The following FBXW7 variants were observed in gnomAD, a reference collection of about 807,000 sequenced individuals.
FBXW7 encodes F-box/WD repeat-containing protein 7.
In FBXW7, 11 loss-of-function variants were observed where a neutral mutation model predicts 86.3. The observed-to-expected ratio is 0.13, with a 90% CI of 0.08 to 0.21. The LOEUF is 0.21. Among genes scored for constraint, FBXW7 ranks in the 10% least tolerant of loss-of-function variants. The pLI is 1.00. For synonymous variants in FBXW7, 313 were observed against 297.9 expected, an observed-to-expected ratio of 1.05 and a Z score of -0.52; for missense variants, 488 against 847.4, an observed-to-expected ratio of 0.58 and a Z score of 5.27.
In FBXW7 at chr4:152,411,653, C is replaced by G. The variant is rs2126881109; in HGVS notation, c.151G>C (p.Glu51Gln). 6.2e-7 allele frequency: 1 copy of G among 1,613,960 alleles called. No homozygotes were observed. The highest frequency in any genetic ancestry group is 2.2e-5 in the East Asian group (1 of 44,868). The change falls in exon 4 of 14, where the codon GAG (glutamate) becomes CAG (glutamine). Residue 51 changes from glutamate (E) to glutamine (Q), a missense_variant. Physicochemically the swap from Glu to Gln is conservative, Grantham distance 29. This residue lies in a region of FBXW7 where 230 missense variants were observed against 240.0 expected (regional missense o/e 0.96). Coordinates refer to ENST00000281708, the MANE Select transcript of FBXW7 (RefSeq NM_001349798.2). ...QQQQLRQQEE[E>Q]HTARNGEVVG... ...ACTTCACCATTCCTTGCAGTGTGCT[C>G]CTCCTCTTGTTGTCTGAGTTGCTGT...
chr4:152,325,399 C>T (rs1230359730), intron 12 of FBXW7: 1 of 152,044 alleles, frequency 6.6e-6, no homozygotes, highest in Non-Finnish European at 1.5e-5. Context: ...GGAAATAAAA[C>T]AAGATTCATA....
intron 4 of FBXW7, among the ~76,000 whole-genome samples, chr4:152,395,871 C>T (rs1736380219): frequency 6.6e-6 from 1 of 151,992 alleles, no homozygotes; most frequent in African/African-American, 2.4e-5. Flanking sequence ...GTCTATGGGT[C>T]AAACCAACCC....
rs752976240 is a variant in FBXW7, at chr4:152,328,384, C to T, written c.1242G>A (p.Leu414=). ...CACCTGTATGTCCCACTAATGTTCT[C>T]AGACACTGGAAAAACACTTAAGATG... ...KVWSAVTGKC[L]RTLVGHTGGV... The change falls in exon 11 of 14, where the codon CTG becomes CTA. Residue 414 remains leucine (L), a synonymous_variant. Transcript: ENST00000281708. 6.6e-7 allele frequency: 1 copy of T among 1,510,514 alleles called. No individual in the cohort carries two copies. Among genetic ancestry groups the T allele is most frequent in the South Asian group, 1.4e-5 (1 of 73,498 alleles). The allele number at this position is 1,510,514 out of a possible 1,614,324, so 93.6% of individuals were successfully genotyped here.
chr4:152,453,294 G>A (rs1742082882), intron 2 of FBXW7, among the ~76,000 whole-genome samples: 1 of 152,162 alleles, frequency 6.6e-6, no homozygotes, highest in East Asian at 1.9e-4. Flanking sequence ...AATTTCTTAT[G>A]TAGTAGCCCA....
chr4:152,337,812 A>G lies in FBXW7; in HGVS notation c.851T>C (p.Leu284Pro). ...PQFQRDFISL[L>P]PKELALYVLS... ...ATTGATAATCTTTACCTCTTTAGGG[A>G]GCAATGAAATGAAGTCTCGTTGAAA... Residue 284 changes from leucine (L) to proline (P), a missense_variant, in exon 7 of 14, where the codon CTC becomes CCC. Coordinates refer to ENST00000281708, the MANE Select transcript of FBXW7 (RefSeq NM_001349798.2). The G allele has an allele frequency of 6.2e-7, 1 of 1,610,920 alleles. No individual in the cohort carries two copies. The highest frequency in any genetic ancestry group is 8.5e-7 in the Non-Finnish European group (1 of 1,178,618).
intron 4 of FBXW7, among the ~76,000 whole-genome samples, chr4:152,361,860 G>T (rs144673738): frequency 1.3e-5 from 2 of 151,618 alleles, no homozygotes; most frequent in African/African-American, 4.8e-5. Flanking sequence ...CAGCTACTTG[G>T]GAGGCTAAGG....
At chr4:152,392,241 G>C (rs974637462) in intron 4 of FBXW7, among the ~76,000 whole-genome samples, 1 of 152,062 alleles carries the variant, frequency 6.6e-6, no homozygotes, top group Admixed American at 6.6e-5. Flanking sequence ...CTTAATAACA[G>C]GCCAGACCTT....
At chr4:152,385,807 G>A (rs1276204556) in intron 4 of FBXW7, among the ~76,000 whole-genome samples, 1 of 151,966 alleles carries the variant, frequency 6.6e-6, no homozygotes, top group East Asian at 1.9e-4. Context: ...TTGCAACTGT[G>A]GCAAACCAAA....
chr4:152,491,542 G>A (rs1293886225), intron 2 of FBXW7, among the ~76,000 whole-genome samples: 4 of 152,096 alleles, frequency 2.6e-5, no homozygotes, highest in Admixed American at 6.6e-5. Context: ...ATGATATTTG[G>A]AAGATGTCTT....
chr4:152,344,467 T>C (rs559268490), intron 6 of FBXW7, among the ~76,000 whole-genome samples: 1 of 152,120 alleles, frequency 6.6e-6, no homozygotes, highest in Non-Finnish European at 1.5e-5. Context: ...ACATGTTTTC[T>C]TCACTGCACC....
chr4:152,413,608 A>G (rs35242914), intron 2 of FBXW7, among the ~76,000 whole-genome samples: 2,083 of 152,230 alleles, frequency 0.014, 26 homozygotes, highest in Middle Eastern at 0.037. Flanking sequence ...TCCTGAAAGA[A>G]TATTATTCTC....
intron 4 of FBXW7, among the ~76,000 whole-genome samples, chr4:152,404,957 GT>G (rs1737274044): frequency 6.6e-6 from 1 of 152,020 alleles, no homozygotes; most frequent in Non-Finnish European, 1.5e-5. Flanking sequence ...GCCAAGCGTG[GT>G]GGTGCCACGA....
intron 2 of FBXW7, among the ~76,000 whole-genome samples, chr4:152,523,311 A>G (rs553300179): frequency 1.3e-5 from 2 of 152,366 alleles, no homozygotes; most frequent in South Asian, 4.1e-4. Context: ...GACCAAAAAA[A>G]ACACATATTT....
At chr4:152,364,628 C>A (rs1560808783) in intron 4 of FBXW7, among the ~76,000 whole-genome samples, 1 of 152,170 alleles carries the variant, frequency 6.6e-6, no homozygotes, top group Non-Finnish European at 1.5e-5. Context: ...GATTTTCCAT[C>A]TGAATACATA....
intron 4 of FBXW7, among the ~76,000 whole-genome samples, chr4:152,373,558 A>C (rs937782814): frequency 3.9e-5 from 6 of 152,072 alleles, no homozygotes; most frequent in South Asian, 4.2e-4. Context: ...AGTATACTTA[A>C]TATGAAAAAA....
At chr4:152,446,128 G>C (rs1486528522) in intron 2 of FBXW7, among the ~76,000 whole-genome samples, 1 of 152,032 alleles carries the variant, frequency 6.6e-6, no homozygotes, top group South Asian at 2.1e-4. Context: ...CCTAGGTACT[G>C]AATAAACTCC....
At chr4:152,332,471 G>T in intron 8 of FBXW7, 125 bp downstream of exon 8, 1 of 979,794 alleles carries the variant, frequency 1.0e-6, no homozygotes, top group African/African-American at 1.7e-5. Context: ...TCATCTGAAT[G>T]TGTAGAATAA....
At chr4:152,363,853 A>C (rs1414263988) in intron 4 of FBXW7, among the ~76,000 whole-genome samples, 2 of 152,304 alleles carry the variant, frequency 1.3e-5, no homozygotes, top group East Asian at 3.9e-4. Context: ...AGGTCACTTA[A>C]GGTAGATGGG....
At chr4:152,403,232 C>T (rs1321760690) in intron 4 of FBXW7, among the ~76,000 whole-genome samples, 1 of 152,180 alleles carries the variant, frequency 6.6e-6, no homozygotes, top group Non-Finnish European at 1.5e-5. Flanking sequence ...AATCCCAGCA[C>T]TTTGAGAGGC....
Sources: allele counts gnomAD v4.1 joint callset (sites outside exome capture counted in the v4.1 genomes callset), GRCh38; gene constraint gnomAD v4.1.1; regional missense constraint gnomAD v4.1.1; transcripts MANE v1.5; gene names NCBI Gene and HGNC (gene_info 2026-07-23, HGNC 2026-07-21).